The following SYNDIG1 variants were observed in gnomAD, a reference collection of about 807,000 sequenced individuals.
The protein encoded by SYNDIG1 is synapse differentiation inducing 1.
In SYNDIG1, 9 loss-of-function variants were observed where a neutral mutation model predicts 19.4. The ratio of observed to expected loss-of-function variants is 0.46; its 90% CI spans 0.28 to 0.81. The LOEUF is 0.81. Ranked by LOEUF, SYNDIG1 falls within the 30% of genes least tolerant of loss-of-function variation. The pLI, the probability that SYNDIG1 is intolerant of heterozygous loss-of-function variation, is 0.12. For missense variants in SYNDIG1, 311 were observed against 343.3 expected (o/e 0.91, Z 0.74); for synonymous variants, 141 against 145.9 (o/e 0.97, Z 0.24).
At position 24,665,379 on chromosome 20, in the gene SYNDIG1, CA is replaced by C; in HGVS notation, c.653del (p.Gln218ArgfsTer95). ...NKAVAKGDLHQASTSSRRALF... is the reference protein window; with the variant it reads ...NKAVAKGDLHXASTSSRRALF... ...AGCCGTGGCCAAGGGGGACTTGCACCAGGCCAGCACCAGCTCCCGGCGGGCC... is the reference window on the plus strand; with the variant it reads ...AGCCGTGGCCAAGGGGGACTTGCACCGGCCAGCACCAGCTCCCGGCGGGCC... On this transcript the variant is annotated frameshift_variant, in exon 4 of 4. Transcript: ENST00000376862. LOFTEE classifies it high-confidence loss of function. The C allele has an allele frequency of 1.9e-6, 3 of 1,606,228 alleles. No individual in the cohort carries two copies. The highest frequency in any genetic ancestry group is 2.5e-6 in the Non-Finnish European group (3 of 1,177,540).
At chr20:24,617,386 G>A (rs985787568) in intron 3 of SYNDIG1, among the ~76,000 whole-genome samples, 2 of 152,202 alleles carry the variant, frequency 1.3e-5, no homozygotes, top group African/African-American at 2.4e-5. Context: ...AGGGGACATG[G>A]CACTGCTCTG....
At chr20:24,473,089 T>G (rs1045642831) in intron 1 of SYNDIG1, among the ~76,000 whole-genome samples, 6 of 152,250 alleles carry the variant, frequency 3.9e-5, no homozygotes, top group Admixed American at 1.3e-4. Context: ...CTGTGGCCCA[T>G]AGTTTGAACA....
At chr20:24,496,827 T>C (rs866335013) in intron 1 of SYNDIG1, among the ~76,000 whole-genome samples, 1 of 152,240 alleles carries the variant, frequency 6.6e-6, no homozygotes, top group Non-Finnish European at 1.5e-5. Context: ...GCTTTCACTT[T>C]TGTACTTTAA....
At position 24,584,749 on chromosome 20, in the gene SYNDIG1, G is replaced by A. The variant is rs992627260; in HGVS notation, c.481-107G>A. On this transcript the variant is annotated intron_variant, in intron 2 of 3. Coordinates refer to ENST00000376862, the MANE Select transcript of SYNDIG1 (RefSeq NM_024893.3). ...ACGTCAGCAACTGCAGCTGCCTCCC[G>A]GGGAGGGCCTGCGCCAGCCAGGGGT... 4.2e-4 allele frequency: 637 copies of A among 1,501,836 alleles called. 5 individuals carry two copies. Among genetic ancestry groups the A allele is most frequent in the Admixed American group, 4.8e-4 (26 of 54,664 alleles). 93.0% of individuals were successfully genotyped at this position (1,501,836 alleles called of 1,614,324 possible).
At chr20:24,643,372 A>G (rs917240069) in intron 3 of SYNDIG1, among the ~76,000 whole-genome samples, 2 of 149,872 alleles carry the variant, frequency 1.3e-5, no homozygotes, top group Non-Finnish European at 3.0e-5. Context: ...CTAGAGTGCC[A>G]TGTTCATGAG....
chr20:24,635,432 C>T (rs1242999484), intron 3 of SYNDIG1, among the ~76,000 whole-genome samples: 2 of 152,172 alleles, frequency 1.3e-5, no homozygotes, highest in Non-Finnish European at 2.9e-5. Flanking sequence ...AATTTCCCGC[C>T]CGTGATTCTA....
At chr20:24,583,718 G>C (rs1023111918) in intron 2 of SYNDIG1, among the ~76,000 whole-genome samples, 3 of 152,212 alleles carry the variant, frequency 2.0e-5, no homozygotes, top group African/African-American at 7.2e-5. Context: ...GGGTGGGGCA[G>C]TGGTTCTCTT....
At chr20:24,545,966 CTT>C (rs1375542908) in intron 2 of SYNDIG1, among the ~76,000 whole-genome samples, 1 of 152,172 alleles carries the variant, frequency 6.6e-6, no homozygotes, top group Non-Finnish European at 1.5e-5. Context: ...TTTAGTGAGA[CTT>C]TCTGGTCGGC....
intron 3 of SYNDIG1, among the ~76,000 whole-genome samples, chr20:24,587,680 G>T (rs950645742): frequency 6.6e-6 from 1 of 152,248 alleles, no homozygotes; most frequent in Admixed American, 6.5e-5. Context: ...GGACTGGAGA[G>T]GGGGAAGCCC....
intron 1 of SYNDIG1, among the ~76,000 whole-genome samples, chr20:24,539,993 G>T (rs1008318416): frequency 1.3e-5 from 2 of 152,030 alleles, no homozygotes; most frequent in African/African-American, 2.4e-5. Context: ...TGTTGGCCAG[G>T]CTGGTTTCGA....
chr20:24,502,265 C>G (rs944058800), intron 1 of SYNDIG1: 10 of 152,364 alleles, frequency 6.6e-5, no homozygotes, highest in Non-Finnish European at 1.5e-4. Context: ...GGGCATCATC[C>G]TGGATGCAGG....
At chr20:24,520,755 C>T (rs1289809082) in intron 1 of SYNDIG1, among the ~76,000 whole-genome samples, 2 of 151,614 alleles carry the variant, frequency 1.3e-5, no homozygotes, top group Non-Finnish European at 2.9e-5. Flanking sequence ...TTGCACCTAA[C>T]AATGTTGGCT....
chr20:24,563,777 T>A (rs148448304), intron 2 of SYNDIG1, among the ~76,000 whole-genome samples: 1 of 152,152 alleles, frequency 6.6e-6, no homozygotes, highest in Non-Finnish European at 1.5e-5. Context: ...AATTTTTGTA[T>A]TTGTTTTTTT....
At chr20:24,572,475 G>A (rs2058160096) in intron 2 of SYNDIG1, among the ~76,000 whole-genome samples, 1 of 152,236 alleles carries the variant, frequency 6.6e-6, no homozygotes, top group Non-Finnish European at 1.5e-5. Context: ...TCAAACTGCA[G>A]AGGGCTGGTG....
intron 2 of SYNDIG1, among the ~76,000 whole-genome samples, chr20:24,583,844 A>G (rs1437339138): frequency 6.6e-6 from 1 of 152,144 alleles, no homozygotes; most frequent in East Asian, 1.9e-4. Flanking sequence ...GGACCCATGG[A>G]CGCAAAGAGA....
intron 2 of SYNDIG1, among the ~76,000 whole-genome samples, chr20:24,560,012 G>C (rs1222563762): frequency 3.1e-5 from 3 of 95,356 alleles, no homozygotes; most frequent in African/African-American, 4.6e-5. Context: ...GGAAGGTTTT[G>C]GCCATTATTT....
At chr20:24,579,883 G>A (rs2058293510) in intron 2 of SYNDIG1, among the ~76,000 whole-genome samples, 1 of 152,234 alleles carries the variant, frequency 6.6e-6, no homozygotes, top group Non-Finnish European at 1.5e-5. Context: ...TGAACATTGT[G>A]ATGTGCAAAC....
intron 3 of SYNDIG1, among the ~76,000 whole-genome samples, chr20:24,603,662 C>T (rs893158069): frequency 2.0e-5 from 3 of 152,086 alleles, no homozygotes; most frequent in Admixed American, 6.5e-5. Flanking sequence ...GCATTCTCAG[C>T]GAGGAAGCAT....
At chr20:24,550,731 C>T (rs187291422) in intron 2 of SYNDIG1, among the ~76,000 whole-genome samples, 215 of 152,166 alleles carry the variant, frequency 1.4e-3, no homozygotes, top group East Asian at 4.5e-3. Context: ...AGGATGGTCT[C>T]GATCTCCTGA....
Sources: allele counts gnomAD v4.1 joint callset (sites outside exome capture counted in the v4.1 genomes callset), GRCh38; gene constraint gnomAD v4.1.1; transcripts MANE v1.5; gene names NCBI Gene and HGNC (gene_info 2026-07-23, HGNC 2026-07-21).